The following CYP27A1 variants were observed in gnomAD, a reference collection of about 807,000 sequenced individuals.
The protein encoded by CYP27A1 is sterol 26-hydroxylase, mitochondrial.
In CYP27A1, 46 loss-of-function variants were observed where a neutral mutation model predicts 58.2. That is an observed-to-expected ratio of 0.79 (90% CI 0.62 to 1.01). CYP27A1 has a LOEUF of 1.01. Ranked by LOEUF, CYP27A1 falls within the 50% of genes least tolerant of loss-of-function variation. The pLI is 0.00. For missense variants in CYP27A1, 704 were observed against 687.0 expected, an observed-to-expected ratio of 1.02 and a Z score of -0.28; for synonymous variants, 274 against 285.1, an observed-to-expected ratio of 0.96 and a Z score of 0.39.
chr2:218,807,472 A>G (rs1943663469), intron 1 of CYP27A1, among the ~76,000 whole-genome samples: 1 of 152,172 alleles, frequency 6.6e-6, no homozygotes, highest in Admixed American at 6.5e-5. Context: ...ACTGTTTCAG[A>G]AAACATTTCT....
chr2:218,802,563 A>G (rs1943609956), intron 1 of CYP27A1, among the ~76,000 whole-genome samples: 1 of 152,214 alleles, frequency 6.6e-6, no homozygotes, highest in Non-Finnish European at 1.5e-5. Context: ...TTACTCTTCC[A>G]GAAGGCTGCT....
At chr2:218,788,863 T>A (rs891877534) in intron 1 of CYP27A1, among the ~76,000 whole-genome samples, 4 of 152,214 alleles carry the variant, frequency 2.6e-5, no homozygotes, top group Non-Finnish European at 5.9e-5. Context: ...CATGTTACCA[T>A]CAGGCCTTCC....
chr2:218,785,253 T>A (rs1015027212), intron 1 of CYP27A1, among the ~76,000 whole-genome samples: 1 of 152,140 alleles, frequency 6.6e-6, no homozygotes, highest in African/African-American at 2.4e-5. Context: ...AGCACTGATC[T>A]GACAGGAGGC....
chr2:218,813,500 A>G (rs1943746594), intron 5 of CYP27A1, among the ~76,000 whole-genome samples: 1 of 151,972 alleles, frequency 6.6e-6, no homozygotes, highest in Non-Finnish European at 1.5e-5. Context: ...ATCTCAGCTG[A>G]CTGCAACCTC....
chr2:218,805,969 T>C (rs1226998622), intron 1 of CYP27A1: 1 of 152,208 alleles, frequency 6.6e-6, no homozygotes, highest in Non-Finnish European at 1.5e-5. Flanking sequence ...GAAACCTCCA[T>C]ACTGACAGCC....
chr2:218,794,190 GC>G (rs987808975), intron 1 of CYP27A1, among the ~76,000 whole-genome samples: 6 of 152,154 alleles, frequency 3.9e-5, no homozygotes, highest in Non-Finnish European at 8.8e-5. Context: ...ACCCCAGTGC[GC>G]GGACCAGTCG....
In CYP27A1 at chr2:218,812,311, A is replaced by G. The variant is rs145080072; in HGVS notation, c.536A>G (p.Asn179Ser). The G allele has an allele frequency of 1.1e-4, 170 of 1,614,100 alleles. No homozygotes were observed. The highest frequency in any genetic ancestry group is 1.3e-4 in the Non-Finnish European group (155 of 1,180,024). Residue 179 changes from asparagine to serine, a missense_variant, in exon 3 of 9, where the codon AAT becomes AGT. Transcript: ENST00000258415. ...AEAALYTDAFNEVIDDFMTRL... is the reference protein window; with the variant it reads ...AEAALYTDAFSEVIDDFMTRL... The stretch of plus-strand genomic sequence containing the variant: ...GCAGCGCTCTATACGGATGCTTTCA[A>G]TGAGGTGATTGATGACTTTATGACT...
At chr2:218,802,331 T>TAAAA (rs10630236) in intron 1 of CYP27A1, among the ~76,000 whole-genome samples, 4 of 147,146 alleles carry the variant, frequency 2.7e-5, no homozygotes, top group African/African-American at 5.0e-5. Flanking sequence ...AAAAGAAAAT[T>TAAAA]AAAAAAAAAA....
chr2:218,796,575 C>G (rs1174201613), intron 1 of CYP27A1, among the ~76,000 whole-genome samples: 2 of 152,134 alleles, frequency 1.3e-5, no homozygotes, highest in Admixed American at 6.6e-5. Context: ...GCCTGGGCAA[C>G]AGAGCAAGAC....
chr2:218,787,075 A>T (rs1559385681), intron 1 of CYP27A1, among the ~76,000 whole-genome samples: 1 of 152,132 alleles, frequency 6.6e-6, no homozygotes, highest in African/African-American at 2.4e-5. Flanking sequence ...ATAGGCATAA[A>T]TTACTGTACC....
chr2:218,808,202 G>A (rs1247022708), intron 1 of CYP27A1, among the ~76,000 whole-genome samples: 2 of 152,130 alleles, frequency 1.3e-5, no homozygotes, highest in Non-Finnish European at 2.9e-5. Flanking sequence ...TTATTTTGGA[G>A]TCCTACCAGC....
At chr2:218,808,345 G>T (rs1185903518) in intron 1 of CYP27A1, among the ~76,000 whole-genome samples, 1 of 152,180 alleles carries the variant, frequency 6.6e-6, no homozygotes, top group South Asian at 2.1e-4. Context: ...GATGTTAGGG[G>T]TTTGTCAAGA....
chr2:218,803,869 A>ATATGT (rs1943624415), intron 1 of CYP27A1, among the ~76,000 whole-genome samples: 1 of 150,878 alleles, frequency 6.6e-6, no homozygotes, highest in Admixed American at 6.6e-5. Context: ...AGTAGCTGGG[A>ATATGT]CTACAAGCAT....
chr2:218,797,018 G>A (rs964039590), intron 1 of CYP27A1, among the ~76,000 whole-genome samples: 4 of 152,198 alleles, frequency 2.6e-5, no homozygotes, highest in African/African-American at 9.6e-5. Context: ...AAAATTCCCA[G>A]GGTAGTTACA....
chr2:218,809,864 T>G, intron 2 of CYP27A1, 97 bp downstream of exon 2: 1 of 1,116,888 alleles, frequency 9.0e-7, no homozygotes, highest in Non-Finnish European at 1.3e-6. Flanking sequence ...GGCAGAATAG[T>G]ACCCTCTGCA....
intron 1 of CYP27A1, among the ~76,000 whole-genome samples, chr2:218,797,744 A>G (rs1943560600): frequency 6.6e-6 from 1 of 152,234 alleles, no homozygotes; most frequent in Non-Finnish European, 1.5e-5. Context: ...CTTAAAAGCA[A>G]AAAGCCTTTT....
At chr2:218,801,397 TC>T (rs1465155270) in intron 1 of CYP27A1, among the ~76,000 whole-genome samples, 2 of 151,958 alleles carry the variant, frequency 1.3e-5, no homozygotes, top group Non-Finnish European at 2.9e-5. Flanking sequence ...TCCCAGCTAC[TC>T]AGGAGGCTGA....
At chr2:218,803,239 G>A (rs1575202811) in intron 1 of CYP27A1, among the ~76,000 whole-genome samples, 1 of 152,190 alleles carries the variant, frequency 6.6e-6, no homozygotes, top group South Asian at 2.1e-4. Context: ...TATAATGGGC[G>A]TGAACCACCA....
intron 1 of CYP27A1, among the ~76,000 whole-genome samples, chr2:218,796,083 G>C (rs1355686229): frequency 6.6e-6 from 1 of 152,138 alleles, no homozygotes; most frequent in Non-Finnish European, 1.5e-5. Flanking sequence ...CACGGGTCAG[G>C]AACCCTGTAC....
Sources: allele counts gnomAD v4.1 joint callset (sites outside exome capture counted in the v4.1 genomes callset), GRCh38; gene constraint gnomAD v4.1.1; transcripts MANE v1.5; gene names NCBI Gene and HGNC (gene_info 2026-07-23, HGNC 2026-07-21).